The following PTPRD variants were observed in gnomAD, a reference collection of about 807,000 sequenced individuals.
PTPRD encodes the protein receptor-type tyrosine-protein phosphatase delta.
In PTPRD, 34 loss-of-function variants were observed where a neutral mutation model predicts 214.5. That is an observed-to-expected ratio of 0.16 (90% CI 0.12 to 0.21). The LOEUF (loss-of-function observed/expected upper bound fraction) is 0.21, where lower values mean the gene tolerates loss of function less well. PTPRD is among the 10% of genes least tolerant of loss of function. PTPRD has a pLI of 1.00. For missense variants in PTPRD, 2,545 were observed against 2,398.7 expected, an observed-to-expected ratio of 1.06 and a Z score of -1.27; for synonymous variants, 1,128 against 845.7, an observed-to-expected ratio of 1.33 and a Z score of -5.79.
chr9:10,029,261 G>A (rs1202929287), intron 4 of PTPRD, among the ~76,000 whole-genome samples: 2 of 152,202 alleles, frequency 1.3e-5, no homozygotes, highest in Non-Finnish European at 2.9e-5. Context: ...GGGCAGTGTG[G>A]AAGGGAAATG....
At chr9:10,255,573 A>T (rs2093191573) in intron 3 of PTPRD, among the ~76,000 whole-genome samples, 1 of 152,224 alleles carries the variant, frequency 6.6e-6, no homozygotes. Context: ...ACACTACTAT[A>T]GATTTTATAA....
chr9:10,339,944 A>G (rs993792782), intron 3 of PTPRD, among the ~76,000 whole-genome samples: 1 of 151,860 alleles, frequency 6.6e-6, no homozygotes, highest in African/African-American at 2.4e-5. Context: ...CTTATTCTTC[A>G]TAACTATATT....
At chr9:8,558,126 G>C (rs1211866552) in intron 14 of PTPRD, among the ~76,000 whole-genome samples, 1 of 152,200 alleles carries the variant, frequency 6.6e-6, no homozygotes, top group Admixed American at 6.5e-5. Flanking sequence ...GGTACAGAGA[G>C]ACGGACAAAG....
At chr9:8,967,709 T>C (rs1029223626) in intron 11 of PTPRD, among the ~76,000 whole-genome samples, 1 of 152,132 alleles carries the variant, frequency 6.6e-6, no homozygotes, top group African/African-American at 2.4e-5. Context: ...TATACGTATG[T>C]TATTTATCAT....
At chr9:9,997,070 G>A (rs2096147524) in intron 4 of PTPRD, among the ~76,000 whole-genome samples, 2 of 152,114 alleles carry the variant, frequency 1.3e-5, no homozygotes, top group South Asian at 4.1e-4. Flanking sequence ...CATAATCCAA[G>A]ACCTAAAGAA....
chr9:9,202,246 C>T (rs1192571180), intron 9 of PTPRD, among the ~76,000 whole-genome samples: 1 of 152,142 alleles, frequency 6.6e-6, no homozygotes, highest in Non-Finnish European at 1.5e-5. Flanking sequence ...TAACACAAAT[C>T]TTATTGTCAG....
At chr9:9,579,457 C>CCCTA (rs2090066398) in intron 7 of PTPRD, among the ~76,000 whole-genome samples, 1 of 152,104 alleles carries the variant, frequency 6.6e-6, no homozygotes, top group Non-Finnish European at 1.5e-5. Context: ...ATCTGGGGTA[C>CCCTA]ACATACAGGA....
rs190193475 is a variant in PTPRD, at chr9:8,605,120, C to A, written c.352+28197G>T. On this transcript the variant is annotated intron_variant, in intron 14 of 45. Coordinates refer to ENST00000381196, the MANE Select transcript of PTPRD (RefSeq NM_002839.4). ...GCCCATGCTCCCAACCCAACTGCCA[C>A]AAATAAACTCTTCTTCTATCAACCT... Among the ~76,000 whole-genome samples the A allele has an allele frequency of 1.2e-3, 187 of 152,314 alleles. 3 individuals are homozygous for A. The highest frequency in any genetic ancestry group is 4.4e-3 in the African/African-American group (182 of 41,572).
At chr9:9,073,972 T>C (rs573700532) in intron 10 of PTPRD, among the ~76,000 whole-genome samples, 1 of 152,220 alleles carries the variant, frequency 6.6e-6, no homozygotes, top group Admixed American at 6.6e-5. Flanking sequence ...CTAATTATAG[T>C]ATAACCTTCC....
chr9:8,544,164 C>CTTTTTTTTTTTTT (rs373194856), intron 14 of PTPRD, among the ~76,000 whole-genome samples: 3 of 111,144 alleles, frequency 2.7e-5, no homozygotes, highest in African/African-American at 3.6e-5. Context: ...TTTGCCATTA[C>CTTTTTTTTTTTTT]TTTTTTTTTT....
intron 10 of PTPRD, among the ~76,000 whole-genome samples, chr9:9,075,141 A>G (rs2099749174): frequency 6.6e-6 from 1 of 152,046 alleles, no homozygotes; most frequent in Non-Finnish European, 1.5e-5. Context: ...TCTGTGTTTA[A>G]AAATTTTTAA....
Position 8,817,141 on chromosome 9 carries a change from T to A in PTPRD, c.-103-83195A>T, listed in dbSNP as rs577767109. ...TGAAGGCCATTTTATGTTACTGACA[T>A]AGTTTCACACTAGGGCAACTCCATT... On this transcript the variant is annotated intron_variant, in intron 11 of 45. Coordinates refer to ENST00000381196, the MANE Select transcript of PTPRD (RefSeq NM_002839.4). 5.5e-4 allele frequency among the ~76,000 whole-genome samples: 84 copies of A among 152,350 alleles called. 2 individuals carry two copies. In the South Asian group the frequency reaches 0.017, roughly 31 times the overall value.
In PTPRD at chr9:8,414,840, G is replaced by A. The variant is rs10977065; in HGVS notation, c.4087-10180C>T. ...ATAACCATCAGTCAGGCATGTACAT[G>A]TACGGGGAGGGAAGGCGTGCAGGGG... On this transcript the variant is annotated intron_variant, in intron 35 of 45. Coordinates refer to ENST00000381196, the MANE Select transcript of PTPRD (RefSeq NM_002839.4). Among the ~76,000 whole-genome samples the A allele has an allele frequency of 4.0e-4, 57 of 144,162 alleles. No homozygotes were observed. The East Asian group carries it at 7.3e-3, about 18-fold the overall frequency. The allele number at this position is 144,162 out of a possible 152,430, so 94.6% of individuals were successfully genotyped here.
chr9:8,828,983 C>G (rs1034551303), intron 11 of PTPRD, among the ~76,000 whole-genome samples: 4 of 152,182 alleles, frequency 2.6e-5, no homozygotes, highest in Admixed American at 1.3e-4. Flanking sequence ...TGGAAATACT[C>G]TATCACACTG....
intron 2 of PTPRD, among the ~76,000 whole-genome samples, chr9:10,551,905 T>C (rs2061445870): frequency 6.6e-6 from 1 of 152,186 alleles, no homozygotes; most frequent in Non-Finnish European, 1.5e-5. Flanking sequence ...TTCTACCATG[T>C]TTGGTTACTA....
At chr9:10,174,527 G>C (rs1323770903) in intron 3 of PTPRD, among the ~76,000 whole-genome samples, 1 of 151,968 alleles carries the variant, frequency 6.6e-6, no homozygotes, top group African/African-American at 2.4e-5. Flanking sequence ...CCCAGCTTCA[G>C]GTATTTCTTT....
chr9:9,019,007 C>T (rs2099548362), intron 10 of PTPRD, among the ~76,000 whole-genome samples: 1 of 151,978 alleles, frequency 6.6e-6, no homozygotes, highest in Admixed American at 6.6e-5. Context: ...AATGTATCCC[C>T]TAATCAAAAT....
At chr9:9,656,976 TGAG>T (rs1169345743) in intron 7 of PTPRD, among the ~76,000 whole-genome samples, 1 of 152,058 alleles carries the variant, frequency 6.6e-6, no homozygotes, top group Non-Finnish European at 1.5e-5. Context: ...AAAAACTAAA[TGAG>T]AAGACAAAAG....
intron 12 of PTPRD, among the ~76,000 whole-genome samples, chr9:8,690,065 A>G (rs950831101): frequency 2.2e-4 from 33 of 150,888 alleles, no homozygotes; most frequent in Non-Finnish European, 3.8e-4. Flanking sequence ...CCAAGATTGT[A>G]CCACTACACT....
Sources: gnomAD v4.1 joint callset for allele counts (sites outside exome capture counted in the v4.1 genomes callset) on GRCh38, gnomAD v4.1.1 for gene constraint, MANE v1.5 for transcripts, NCBI Gene and HGNC (gene_info 2026-07-23, HGNC 2026-07-21) for gene names.